Variants in PDE8A observed in about 807,000 individuals in gnomAD.
PDE8A encodes high affinity cAMP-specific and IBMX-insensitive 3',5'-cyclic phosphodiesterase 8A.
In PDE8A, 59 loss-of-function variants were observed where a neutral mutation model predicts 105.0. The observed-to-expected ratio is 0.56, with a 90% CI of 0.46 to 0.70. The LOEUF (loss-of-function observed/expected upper bound fraction) is 0.70. PDE8A is among the 30% of genes least tolerant of loss of function. The pLI, the probability that PDE8A is intolerant of heterozygous loss-of-function variation, is 0.00. For missense variants in PDE8A, 1,014 were observed against 1,045.9 expected, an observed-to-expected ratio of 0.97 and a Z score of 0.42; for synonymous variants, 355 against 371.9, an observed-to-expected ratio of 0.95 and a Z score of 0.52.
chr15:85,001,725 C>G (rs1238950225), intron 1 of PDE8A, among the ~76,000 whole-genome samples: 1 of 152,188 alleles, frequency 6.6e-6, no homozygotes, highest in Non-Finnish European at 1.5e-5. Flanking sequence ...ATTATGAGAT[C>G]ACAGTGAGTG....
At position 85,019,943 on chromosome 15, in the gene PDE8A, G is replaced by GTTTTTTTTTTT. The variant is rs201634002; in HGVS notation, c.186+37612_186+37622dup. ...AGAACTTTGGGGGAGTTTTTTTTTG[G>GTTTTTTTTTTT]TTTTTTTTTTTTTTTTTTTTTTTTT... On this transcript the variant is annotated intron_variant, in intron 1 of 21. Transcript: ENST00000394553. Among the ~76,000 whole-genome samples the GTTTTTTTTTTT allele has an allele frequency of 4.5e-4, 29 of 64,754 alleles. 1 individual carries two copies. The highest frequency in any genetic ancestry group is 7.1e-4 in the Admixed American group (3 of 4,202). The allele number at this position is 64,754 out of a possible 152,430, so 42.5% of individuals were successfully genotyped here.
At chr15:84,992,272 G>T (rs1359257168) in intron 1 of PDE8A, among the ~76,000 whole-genome samples, 1 of 152,098 alleles carries the variant, frequency 6.6e-6, no homozygotes, top group African/African-American at 2.4e-5. Context: ...TGGTCATAAG[G>T]TATAGAAAGA....
chr15:85,066,976 C>CT lies in PDE8A; in HGVS notation c.244-31dup, dbSNP rs1323717432. 2.8e-6 allele frequency: 4 copies of CT among 1,452,302 alleles called. No homozygotes were observed. The Admixed American group carries it at 6.0e-5, about 22-fold the overall frequency. 90.0% of individuals were successfully genotyped at this position (1,452,302 alleles called of 1,614,324 possible). A position where few individuals can be genotyped will look rare whatever the true frequency, so the allele number is the denominator to read the frequency against. Reference sequence around the variant, plus strand: ...GTGTAAGAAATGACAATTCTAACATCTTTTTTTAAAAAAAGTGTTTGTGCT... The same window carrying CT: ...GTGTAAGAAATGACAATTCTAACATCTTTTTTTTAAAAAAAGTGTTTGTGCT... On this transcript the variant is annotated intron_variant, in intron 2 of 21. Coordinates refer to ENST00000394553, the MANE Select transcript of PDE8A (RefSeq NM_002605.3).
chr15:85,106,940 T>A (rs1447604123), intron 11 of PDE8A, among the ~76,000 whole-genome samples: 1 of 152,180 alleles, frequency 6.6e-6, no homozygotes, highest in African/African-American at 2.4e-5. Flanking sequence ...TGAGCTTCTA[T>A]ACACATATGC....
chr15:85,066,768 G>A (rs991171037), intron 2 of PDE8A, among the ~76,000 whole-genome samples: 8 of 151,878 alleles, frequency 5.3e-5, no homozygotes, highest in Non-Finnish European at 8.8e-5. Context: ...GCAAAACCCC[G>A]TCTCTACTAA....
chr15:85,076,395 G>A (rs1216657066), intron 4 of PDE8A, among the ~76,000 whole-genome samples: 1 of 151,476 alleles, frequency 6.6e-6, no homozygotes, highest in East Asian at 1.9e-4. Flanking sequence ...TGAGCTGTAG[G>A]GGAGAAAGGA....
intron 4 of PDE8A, 56 bp from the exon 5 acceptor site, chr15:85,076,677 G>C (rs1361911368): frequency 1.0e-6 from 1 of 999,384 alleles, no homozygotes; most frequent in Non-Finnish European, 1.6e-6. Flanking sequence ...GAGTAAAAGA[G>C]GTGAGATGTA....
intron 2 of PDE8A, 115 bp from the exon 3 acceptor site, chr15:85,066,899 A>G (rs2081238100): frequency 2.7e-6 from 2 of 734,154 alleles, no homozygotes; most frequent in Non-Finnish European, 4.4e-6. Context: ...AGATCATGCC[A>G]TTACACTCCA....
Position 85,064,366 on chromosome 15 carries a change from A to T in PDE8A, c.187-4A>T. On this transcript the variant is annotated splice_polypyrimidine_tract_variant and splice_region_variant and intron_variant, in intron 1 of 21. Transcript: ENST00000394553. ...TCATTTTTAAGCCAATCTCTTTCTTACAGGTAGCAGTAGCTGATGTGCAGT... is the reference window on the plus strand; with the variant it reads ...TCATTTTTAAGCCAATCTCTTTCTTTCAGGTAGCAGTAGCTGATGTGCAGT... 6.2e-7 allele frequency: 1 copy of T among 1,602,336 alleles called. No homozygotes were observed. The highest frequency in any genetic ancestry group is 1.7e-4 in the Middle Eastern group (1 of 6,050).
intron 16 of PDE8A, chr15:85,116,417 A>G (rs2082098147): frequency 2.9e-6 from 1 of 344,996 alleles, no homozygotes; most frequent in Non-Finnish European, 5.4e-6. Context: ...ATATGTTAAG[A>G]TTGCTGTAAG....
chr15:85,111,948 G>A (rs1187196770), intron 12 of PDE8A, among the ~76,000 whole-genome samples: 1 of 152,122 alleles, frequency 6.6e-6, no homozygotes, highest in Non-Finnish European at 1.5e-5. Flanking sequence ...TATTGTAGTG[G>A]TGTTACTTGT....
chr15:85,064,253 T>C lies in PDE8A; in HGVS notation c.187-117T>C, dbSNP rs112020477. 4.6e-5 allele frequency: 30 copies of C among 653,402 alleles called. 1 individual carries two copies. The highest frequency in any genetic ancestry group is 3.5e-4 in the African/African-American group (19 of 54,950). The allele number at this position is 653,402 out of a possible 1,614,324, so 40.5% of individuals were successfully genotyped here. ...CATTTCATTTATCTACTATTTACTTTATTTGCCTCTAGAATAGAAATTTTG... is the reference window on the plus strand; with the variant it reads ...CATTTCATTTATCTACTATTTACTTCATTTGCCTCTAGAATAGAAATTTTG... On this transcript the variant is annotated intron_variant, in intron 1 of 21. Transcript: ENST00000394553.
intron 1 of PDE8A, among the ~76,000 whole-genome samples, chr15:85,039,124 G>GA (rs35924887): frequency 4.9e-4 from 70 of 143,518 alleles, no homozygotes; most frequent in Middle Eastern, 3.6e-3. Flanking sequence ...TCCATCTCAA[G>GA]AAAAAAAAAA....
upstream of PDE8A, among the ~76,000 whole-genome samples, chr15:84,981,572 G>A (rs1169533147): frequency 6.6e-6 from 1 of 152,186 alleles, no homozygotes. Context: ...CAGCGGGAGC[G>A]TCTAAGGCTA....
rs8040568 is a variant in PDE8A at position 85,069,987 on chromosome 15, T to C, written c.434+2783T>C. Among the ~76,000 whole-genome samples the C allele has an allele frequency of 7.0e-3, 1,060 of 152,260 alleles. 12 individuals are homozygous for C. Among genetic ancestry groups the C allele is most frequent in the African/African-American group, 0.024 (1,003 of 41,552 alleles). On this transcript the variant is annotated intron_variant, in intron 3 of 21. Coordinates refer to ENST00000394553, the MANE Select transcript of PDE8A (RefSeq NM_002605.3). ...ACCTGGCTTATCTCCCTTAAGATCA[T>C]CCCTTTAAGGATGCCCGCCCACTTT...
At chr15:85,090,910 G>T in intron 7 of PDE8A, 134 bp from the exon 8 acceptor site, 1 of 714,194 alleles carries the variant, frequency 1.4e-6, no homozygotes, top group Non-Finnish European at 2.5e-6. Context: ...CTTCACAACT[G>T]CCACGGTGAG....
At chr15:85,022,209 C>T (rs1212889763) in intron 1 of PDE8A, among the ~76,000 whole-genome samples, 1 of 152,194 alleles carries the variant, frequency 6.6e-6, no homozygotes, top group Non-Finnish European at 1.5e-5. Flanking sequence ...TAGTTCTTTT[C>T]AGCTGAGATG....
At chr15:84,989,829 T>G (rs537569355) in intron 1 of PDE8A, among the ~76,000 whole-genome samples, 1 of 152,326 alleles carries the variant, frequency 6.6e-6, no homozygotes, top group East Asian at 1.9e-4. Flanking sequence ...ATATAGTTTT[T>G]CTCCAATATT....
chr15:85,133,626 T>C (rs1172137581), intron 20 of PDE8A, among the ~76,000 whole-genome samples: 2 of 152,230 alleles, frequency 1.3e-5, no homozygotes, highest in Non-Finnish European at 2.9e-5. Flanking sequence ...AGCCAGTCTC[T>C]CATTTCATGG....
Sources: allele counts gnomAD v4.1 joint callset (sites outside exome capture counted in the v4.1 genomes callset), GRCh38; gene constraint gnomAD v4.1.1; transcripts MANE v1.5; gene names NCBI Gene and HGNC (gene_info 2026-07-23, HGNC 2026-07-21).